The following ERI3 variants were observed in gnomAD, a reference collection of about 807,000 sequenced individuals.
ERI3 encodes the protein ERI1 exoribonuclease family member 3, also known as ERI1 exoribonuclease 3.
A neutral mutation model predicts 44.4 loss-of-function variants in ERI3; 18 were observed. The observed-to-expected ratio is 0.41, with a 90% CI of 0.28 to 0.60. The LOEUF is 0.60. ERI3 is among the 20% of genes least tolerant of loss of function. ERI3 has a pLI of 0.36. For synonymous variants in ERI3, 183 were observed against 164.8 expected (o/e 1.11, Z -0.84); for missense variants, 294 against 435.5 (o/e 0.68, Z 2.89).
intron 8 of ERI3, among the ~76,000 whole-genome samples, chr1:44,226,816 A>C (rs867166308): frequency 3.1e-4 from 27 of 87,404 alleles, no homozygotes; most frequent in African/African-American, 3.4e-4. Context: ...CACACACACA[A>C]ACTATCCTAT....
chr1:44,246,910 G>A (rs958932987), intron 8 of ERI3, among the ~76,000 whole-genome samples: 5 of 152,008 alleles, frequency 3.3e-5, no homozygotes, highest in Non-Finnish European at 5.9e-5. Context: ...ACAATGATGC[G>A]ACCCCAAAGG....
chr1:44,342,236 C>T (rs1288130071), intron 2 of ERI3, among the ~76,000 whole-genome samples: 1 of 151,984 alleles, frequency 6.6e-6, no homozygotes, highest in East Asian at 1.9e-4. Flanking sequence ...ATGTCAGAGC[C>T]GAGGGGGATG....
chr1:44,229,384 T>C (rs1337907520), intron 8 of ERI3, among the ~76,000 whole-genome samples: 1 of 152,214 alleles, frequency 6.6e-6, no homozygotes, highest in African/African-American at 2.4e-5. Flanking sequence ...TTATTGCTTG[T>C]CTGCCATTTG....
intron 2 of ERI3, among the ~76,000 whole-genome samples, chr1:44,352,004 C>A (rs1166613338): frequency 1.3e-5 from 2 of 152,188 alleles, no homozygotes; most frequent in African/African-American, 2.4e-5. Flanking sequence ...CATATCATAA[C>A]TGCCTTTTTA....
At chr1:44,339,457 G>C in intron 2 of ERI3, 135 bp from the exon 3 acceptor site, 1 of 913,268 alleles carries the variant, frequency 1.1e-6, no homozygotes, top group Non-Finnish European at 1.5e-6. Context: ...ACGCAACATG[G>C]GCCACTCCCC....
chr1:44,302,228 T>C (rs1645741672), intron 6 of ERI3, among the ~76,000 whole-genome samples: 1 of 152,242 alleles, frequency 6.6e-6, no homozygotes, highest in Non-Finnish European at 1.5e-5. Context: ...CAGAAAGAGA[T>C]GTAGCTCAGT....
chr1:44,251,494 G>C (rs1173431202), intron 7 of ERI3, among the ~76,000 whole-genome samples: 1 of 152,246 alleles, frequency 6.6e-6, no homozygotes, highest in Non-Finnish European at 1.5e-5. Context: ...CTGGCACTCA[G>C]AGACCCATCA....
At chr1:44,224,055 A>T (rs1236647433) in intron 8 of ERI3, among the ~76,000 whole-genome samples, 4 of 152,196 alleles carry the variant, frequency 2.6e-5, no homozygotes, top group Non-Finnish European at 4.4e-5. Flanking sequence ...ATGCCCAAAG[A>T]AATCTGAGTC....
chr1:44,338,662 G>A (rs1024283627), intron 3 of ERI3, among the ~76,000 whole-genome samples: 30 of 152,212 alleles, frequency 2.0e-4, no homozygotes, highest in African/African-American at 7.2e-4. Context: ...GAACTACCAA[G>A]GGTGTGAATA....
intron 3 of ERI3, among the ~76,000 whole-genome samples, chr1:44,331,204 C>G (rs1646420306): frequency 6.6e-6 from 1 of 152,120 alleles, no homozygotes; most frequent in South Asian, 2.1e-4. Flanking sequence ...CCACACTAAT[C>G]TCAATGTTAG....
At chr1:44,295,157 G>A (rs114047591) in intron 6 of ERI3, among the ~76,000 whole-genome samples, 1,974 of 152,238 alleles carry the variant, frequency 0.013, 54 homozygotes, top group African/African-American at 0.045. Context: ...AGGGTTCTAA[G>A]GAGGAACATC....
At chr1:44,317,885 A>C (rs528062637) in intron 4 of ERI3, among the ~76,000 whole-genome samples, 25 of 152,242 alleles carry the variant, frequency 1.6e-4, no homozygotes, top group South Asian at 6.2e-4. Context: ...GGCTGGCCAA[A>C]AAAGGATGGA....
rs530710414 is a variant in ERI3, at chr1:44,229,647, C to T, written c.932-8007G>A. Among the ~76,000 whole-genome samples, 11 of 152,314 alleles carry T rather than the reference C, an allele frequency of 7.2e-5. No homozygotes were observed. In the East Asian group the frequency reaches 2.1e-3, roughly 29 times the overall value. ...CCATCAGTGCGGCCTGGGCATGCAGCCCCGGCACTCCCTCCCTTGTGGGCC... is the reference window on the plus strand; with the variant it reads ...CCATCAGTGCGGCCTGGGCATGCAGTCCCGGCACTCCCTCCCTTGTGGGCC... On this transcript the variant is annotated intron_variant, in intron 8 of 8. Transcript: ENST00000372257.
At chr1:44,249,653 A>G (rs1322965600) in intron 7 of ERI3, among the ~76,000 whole-genome samples, 1 of 152,090 alleles carries the variant, frequency 6.6e-6, no homozygotes, top group African/African-American at 2.4e-5. Context: ...TGAACCCACA[A>G]ATCAGGGGCT....
chr1:44,305,683 A>G (rs1021336282), intron 6 of ERI3, among the ~76,000 whole-genome samples: 1 of 152,170 alleles, frequency 6.6e-6, no homozygotes. Flanking sequence ...CTGCCACTTC[A>G]GTTCCCATTT....
intron 6 of ERI3, among the ~76,000 whole-genome samples, chr1:44,307,988 AT>A (rs1240909058): frequency 2.6e-5 from 4 of 151,988 alleles, no homozygotes; most frequent in East Asian, 1.9e-4. Context: ...TTGGCTTAAA[AT>A]TTTTTTTTCC....
At chr1:44,327,153 G>C (rs1484600557) in intron 3 of ERI3, among the ~76,000 whole-genome samples, 2 of 152,204 alleles carry the variant, frequency 1.3e-5, no homozygotes, top group African/African-American at 4.8e-5. Context: ...ACACACATTT[G>C]TCATGAAATT....
Position 44,241,512 on chromosome 1 carries a change from CTCT to C in ERI3, c.931+6424_931+6426del, listed in dbSNP as rs1644433612. On this transcript the variant is annotated intron_variant, in intron 8 of 8. Coordinates refer to ENST00000372257, the MANE Select transcript of ERI3 (RefSeq NM_024066.3). The surrounding 1 kb of genome is among the most constrained non-coding windows in gnomAD (Gnocchi z 5.6). Reference sequence around the variant, plus strand: ...CCCACCCACCCCCAGCCCATTACTCCTCTGAGTAGGAGCAGCCAGCACGCGGGT... The same window carrying C: ...CCCACCCACCCCCAGCCCATTACTCCGAGTAGGAGCAGCCAGCACGCGGGT... 6.6e-6 allele frequency among the ~76,000 whole-genome samples: 1 copy of C among 152,166 alleles called. No homozygotes were observed. The highest frequency in any genetic ancestry group is 2.4e-5 in the African/African-American group (1 of 41,444).
chr1:44,353,571 C>T (rs888929689), intron 1 of ERI3: 1 of 985,446 alleles, frequency 1.0e-6, no homozygotes, highest in South Asian at 4.7e-5. Context: ...CCATTCCACA[C>T]ATTTAAGACT....
Sources: allele counts gnomAD v4.1 joint callset (sites outside exome capture counted in the v4.1 genomes callset), GRCh38; gene constraint gnomAD v4.1.1; non-coding constraint Gnocchi (gnomAD v3.1); transcripts MANE v1.5; gene names NCBI Gene and HGNC (gene_info 2026-07-23, HGNC 2026-07-21).